The following ADAMTS6 variants were observed in gnomAD, a reference collection of about 807,000 sequenced individuals.
ADAMTS6 encodes ADAM metallopeptidase with thrombospondin type 1 motif 6.
ADAMTS6 carries 23 observed loss-of-function variants against 144.3 expected under a neutral mutation model. That is an observed-to-expected ratio of 0.16 (90% CI 0.11 to 0.23). The LOEUF is 0.23. Among genes scored for constraint, ADAMTS6 ranks in the 10% least tolerant of loss-of-function variants. The pLI is 1.00. For missense variants in ADAMTS6, 999 were observed against 1,379.6 expected (o/e 0.72, Z 4.37); for synonymous variants, 444 against 457.5 (o/e 0.97, Z 0.38).
intron 21 of ADAMTS6, 48 bp from the exon 22 acceptor site, chr5:65,188,268 T>A: frequency 6.3e-7 from 1 of 1,592,314 alleles, no homozygotes; most frequent in African/African-American, 1.3e-5. Context: ...CCTCAGTGCA[T>A]CCAGAGATTT....
At chr5:65,281,990 A>C (rs964105119) in intron 11 of ADAMTS6, among the ~76,000 whole-genome samples, 8 of 152,214 alleles carry the variant, frequency 5.3e-5, no homozygotes, top group Non-Finnish European at 8.8e-5. Flanking sequence ...TAAAATTAGC[A>C]GCTTACACAA....
intron 7 of ADAMTS6, among the ~76,000 whole-genome samples, chr5:65,378,899 G>C (rs1751792391): frequency 6.6e-6 from 1 of 151,976 alleles, no homozygotes; most frequent in African/African-American, 2.4e-5. Context: ...ATAAACTTCT[G>C]CATACACTGA....
At chr5:65,288,583 G>C (rs543331708) in intron 11 of ADAMTS6, among the ~76,000 whole-genome samples, 1 of 152,086 alleles carries the variant, frequency 6.6e-6, no homozygotes, top group African/African-American at 2.4e-5. Context: ...CTCCCAAAGT[G>C]GTGGGATTAC....
chr5:65,357,886 T>C (rs1201165469), intron 7 of ADAMTS6, among the ~76,000 whole-genome samples: 1 of 151,864 alleles, frequency 6.6e-6, no homozygotes, highest in Non-Finnish European at 1.5e-5. Flanking sequence ...ATGGCTTCAC[T>C]AGTGAATTAT....
At chr5:65,376,634 T>C (rs1008514852) in intron 7 of ADAMTS6, among the ~76,000 whole-genome samples, 1 of 151,956 alleles carries the variant, frequency 6.6e-6, no homozygotes, top group Non-Finnish European at 1.5e-5. Flanking sequence ...AATTCAAGAC[T>C]ATCCTGAGCA....
intron 7 of ADAMTS6, among the ~76,000 whole-genome samples, chr5:65,402,865 T>A (rs1356131500): frequency 6.6e-6 from 1 of 152,140 alleles, no homozygotes; most frequent in Non-Finnish European, 1.5e-5. Context: ...TGAAAAAACT[T>A]CATGAACTCC....
chr5:65,203,202 G>C (rs971655974), intron 20 of ADAMTS6, among the ~76,000 whole-genome samples: 2 of 152,182 alleles, frequency 1.3e-5, no homozygotes, highest in Non-Finnish European at 2.9e-5. Context: ...TGAAAGGCAA[G>C]TTTCCTAATA....
At position 65,262,947 on chromosome 5, in the gene ADAMTS6, C is replaced by T. The variant is rs1761323863; in HGVS notation, c.1636G>A (p.Asp546Asn). Residue 546 changes from aspartate to asparagine, a missense_variant, in exon 13 of 25, where the codon GAT (aspartate) becomes AAT (asparagine). By Grantham distance (23) the Asp-to-Asn change is conservative. Transcript: ENST00000381055. The stretch of plus-strand genomic sequence containing the variant: ...GGCCAAGTGCCAAAAGGAACACAAT[C>T]TCCCTGATAACACCACTGCAAGATT... Reference protein sequence around the residue: ...NIEKGWCYQGDCVPFGTWPQS... With the variant: ...NIEKGWCYQGNCVPFGTWPQS... The T allele has an allele frequency of 6.2e-7, 1 of 1,613,726 alleles. No individual in the cohort carries two copies. Among genetic ancestry groups the T allele is most frequent in the African/African-American group, 1.3e-5 (1 of 74,916 alleles).
intron 22 of ADAMTS6, among the ~76,000 whole-genome samples, chr5:65,174,082 T>C (rs932124601): frequency 6.6e-6 from 1 of 151,560 alleles, no homozygotes; most frequent in African/African-American, 2.4e-5. Flanking sequence ...ACCCACAACA[T>C]CTGGAAGCAC....
intron 7 of ADAMTS6, among the ~76,000 whole-genome samples, chr5:65,405,527 C>A (rs1293896602): frequency 6.6e-6 from 1 of 152,148 alleles, no homozygotes; most frequent in Non-Finnish European, 1.5e-5. Flanking sequence ...GTACCAGTAC[C>A]ATGCTGTGTT....
intron 3 of ADAMTS6, 86 bp downstream of exon 3, chr5:65,470,692 A>ATTT: frequency 6.0e-6 from 6 of 994,564 alleles, no homozygotes; most frequent in Non-Finnish European, 8.1e-6. Flanking sequence ...ATATATATAT[A>ATTT]TTTTTTTTTT....
At chr5:65,182,289 A>AG (rs1561256079) in intron 22 of ADAMTS6, among the ~76,000 whole-genome samples, 2 of 151,870 alleles carry the variant, frequency 1.3e-5, no homozygotes. Context: ...TCTACTAAAA[A>AG]TACAAAAAAA....
At chr5:65,196,189 G>T (rs1302620349) in intron 21 of ADAMTS6, among the ~76,000 whole-genome samples, 1 of 152,110 alleles carries the variant, frequency 6.6e-6, no homozygotes, top group African/African-American at 2.4e-5. Flanking sequence ...AACTGGGTCA[G>T]CAAATTAAAG....
intron 20 of ADAMTS6, chr5:65,210,904 A>C (rs1279828659): frequency 1.7e-5 from 5 of 292,222 alleles, no homozygotes; most frequent in Non-Finnish European, 3.3e-5. Context: ...AGAAGTTAAA[A>C]TGATGAGGTG....
At chr5:65,370,147 C>G (rs1223033384) in intron 7 of ADAMTS6, among the ~76,000 whole-genome samples, 1 of 152,142 alleles carries the variant, frequency 6.6e-6, no homozygotes, top group African/African-American at 2.4e-5. Context: ...CGGTGGCTCA[C>G]GCCTGTAATC....
rs1025654475 is a variant in ADAMTS6, at chr5:65,329,416, C to T, written c.1185G>A (p.Leu395=). The change falls in exon 9 of 25, where the codon CTG becomes CTA. Residue 395 remains leucine (L), a synonymous_variant. Transcript: ENST00000381055. ...RSCSINEDIG[L]GSAFTIAHEI... ...CATGTGCAATGGTAAAAGCTGAACC[C>T]AGGCCAATGTCTTCATTAATGCTGC... The T allele has an allele frequency of 1.2e-6, 2 of 1,612,790 alleles. No homozygotes were observed. The highest frequency in any genetic ancestry group is 2.7e-5 in the African/African-American group (2 of 74,838).
At chr5:65,380,501 G>T (rs903648548) in intron 7 of ADAMTS6, among the ~76,000 whole-genome samples, 6 of 152,100 alleles carry the variant, frequency 3.9e-5, no homozygotes, top group Non-Finnish European at 5.9e-5. Context: ...ACTTGAACTT[G>T]GGAGGCAGAG....
intron 15 of ADAMTS6, among the ~76,000 whole-genome samples, chr5:65,236,208 A>G (rs560099186): frequency 6.6e-6 from 1 of 152,372 alleles, no homozygotes; most frequent in African/African-American, 2.4e-5. Context: ...TTGATCTCAT[A>G]GATATCTATA....
chr5:65,311,123 T>A (rs1363572882), intron 9 of ADAMTS6, among the ~76,000 whole-genome samples: 1 of 152,148 alleles, frequency 6.6e-6, no homozygotes, highest in Non-Finnish European at 1.5e-5. Context: ...GCTCAGCAAA[T>A]CTCTGAATCC....
Sources: gnomAD v4.1 joint callset for allele counts (sites outside exome capture counted in the v4.1 genomes callset) on GRCh38, gnomAD v4.1.1 for gene constraint, MANE v1.5 for transcripts, NCBI Gene and HGNC (gene_info 2026-07-23, HGNC 2026-07-21) for gene names.